The following MYT1L variants were observed in gnomAD, a reference collection of about 807,000 sequenced individuals.
MYT1L encodes the protein myelin transcription factor 1-like protein.
A neutral mutation model predicts 126.7 loss-of-function variants in MYT1L; 12 were observed. That is an observed-to-expected ratio of 0.09 (90% CI 0.06 to 0.15). The LOEUF (loss-of-function observed/expected upper bound fraction) is 0.15, where lower values mean the gene tolerates loss of function less well. Ranked by LOEUF, MYT1L falls within the 10% of genes least tolerant of loss-of-function variation. The pLI is 1.00. For synonymous variants in MYT1L, 541 were observed against 604.2 expected, an observed-to-expected ratio of 0.90 and a Z score of 1.53; for missense variants, 979 against 1,585.2, an observed-to-expected ratio of 0.62 and a Z score of 6.49.
rs1290855309 is a variant in MYT1L, at chr2:2,004,879, A to C, written c.-157-7532T>G. ...TCCTGCATGCGTTCTTTCCTGTAGG[A>C]GTTCTTTCCTGCATGTGTTCTTTCC... On this transcript the variant is annotated intron_variant, in intron 4 of 24. Transcript: ENST00000647738. Among the ~76,000 whole-genome samples, 408 of 64,440 alleles carry C rather than the reference A, an allele frequency of 6.3e-3. 1 individual carries two copies. Among genetic ancestry groups the C allele is most frequent in the Middle Eastern group, 0.016 (1 of 64 alleles). The allele number at this position is 64,440 out of a possible 152,430, so 42.3% of individuals were successfully genotyped here. A position where few individuals can be genotyped will look rare whatever the true frequency, so the allele number is the denominator to read the frequency against.
intron 9 of MYT1L, among the ~76,000 whole-genome samples, chr2:1,936,340 G>C (rs1384247349): frequency 6.6e-6 from 1 of 152,246 alleles, no homozygotes; most frequent in Non-Finnish European, 1.5e-5. Context: ...ATTTAGCACA[G>C]TTTGCATGAA....
At chr2:1,844,763 C>T (rs1208848813) in intron 19 of MYT1L, among the ~76,000 whole-genome samples, 1 of 152,174 alleles carries the variant, frequency 6.6e-6, no homozygotes, top group African/African-American at 2.4e-5. Context: ...CTTGTGATCC[C>T]TTCTTTAGGG....
intron 2 of MYT1L, among the ~76,000 whole-genome samples, chr2:2,276,790 A>G (rs1005277612): frequency 4.6e-5 from 7 of 151,736 alleles, no homozygotes; most frequent in African/African-American, 1.7e-4. Context: ...ACTCCTCCTC[A>G]TGATTCTCTC....
chr2:1,893,017 C>T (rs1354985224), intron 14 of MYT1L, among the ~76,000 whole-genome samples: 2 of 152,152 alleles, frequency 1.3e-5, no homozygotes, highest in Non-Finnish European at 2.9e-5. Flanking sequence ...TTGGTGGTGG[C>T]AGACACGCGG....
At chr2:2,181,509 T>C (rs1382253309) in intron 2 of MYT1L, among the ~76,000 whole-genome samples, 3 of 152,182 alleles carry the variant, frequency 2.0e-5, no homozygotes, top group East Asian at 3.9e-4. Context: ...TGTCAGAGGC[T>C]GTGGATGCAG....
chr2:2,326,840 CT>C (rs1486837805), intron 1 of MYT1L: 7 of 152,118 alleles, frequency 4.6e-5, no homozygotes, highest in African/African-American at 1.7e-4. Flanking sequence ...AGAAAAATCA[CT>C]GTGTATGCTT....
At chr2:2,146,718 G>A (rs1010642174) in intron 3 of MYT1L, among the ~76,000 whole-genome samples, 1 of 152,158 alleles carries the variant, frequency 6.6e-6, no homozygotes, top group African/African-American at 2.4e-5. Context: ...TTGTTTCCAT[G>A]CTTACTCCTA....
chr2:1,873,663 C>T (rs2046523600), intron 18 of MYT1L, among the ~76,000 whole-genome samples: 1 of 152,218 alleles, frequency 6.6e-6, no homozygotes, highest in African/African-American at 2.4e-5. Context: ...AAGCCCCAAT[C>T]CCAGACTCAG....
intron 19 of MYT1L, chr2:1,842,876 T>C (rs999363238): frequency 1.5e-5 from 2 of 135,454 alleles, no homozygotes; most frequent in Admixed American, 8.3e-5. Flanking sequence ...AGCTTCCGCT[T>C]CCAGGCGCTT....
At chr2:2,082,103 T>C (rs949664523) in intron 3 of MYT1L, among the ~76,000 whole-genome samples, 2 of 152,102 alleles carry the variant, frequency 1.3e-5, no homozygotes, top group African/African-American at 4.8e-5. Flanking sequence ...AATGATAGCA[T>C]CCATCAGTAG....
intron 3 of MYT1L, among the ~76,000 whole-genome samples, chr2:2,150,992 G>A (rs2148304489): frequency 6.6e-6 from 1 of 152,198 alleles, no homozygotes; most frequent in Non-Finnish European, 1.5e-5. Context: ...CTGGCTCTGA[G>A]GAAAACTGTC....
intron 21 of MYT1L, chr2:1,816,319 T>C (rs559729241): frequency 7.9e-5 from 12 of 152,770 alleles, no homozygotes; most frequent in Admixed American, 7.8e-4. Flanking sequence ...CAGAAGCACT[T>C]GGGGAAACCG....
At chr2:2,005,211 A>C (rs1432854750) in intron 4 of MYT1L, among the ~76,000 whole-genome samples, 37 of 97,614 alleles carry the variant, frequency 3.8e-4, no homozygotes, top group African/African-American at 4.6e-4. Context: ...TTCTTTCCTG[A>C]ATATGTTCTT....
chr2:1,851,775 AT>A, intron 18 of MYT1L, 72 bp from the exon 19 acceptor site: 1 of 1,442,864 alleles, frequency 6.9e-7, no homozygotes. Context: ...CTTTTTTTTA[AT>A]CCAAAAAGCA....
At chr2:2,205,984 C>CTTTTCTTTTCTTTTCT (rs151297190) in intron 2 of MYT1L, among the ~76,000 whole-genome samples, 1 of 145,778 alleles carries the variant, frequency 6.9e-6, no homozygotes, top group African/African-American at 2.5e-5. Context: ...CTTTTCTTTT[C>CTTTTCTTTTCTTTTCT]TTTCTTTTTT....
chr2:2,010,277 CT>C (rs1388373738), intron 4 of MYT1L, among the ~76,000 whole-genome samples: 1 of 152,154 alleles, frequency 6.6e-6, no homozygotes, highest in African/African-American at 2.4e-5. Context: ...CTAAATGACC[CT>C]TCAGGTCTGG....
chr2:2,007,064 T>C (rs2063404596), intron 4 of MYT1L, among the ~76,000 whole-genome samples: 1 of 151,058 alleles, frequency 6.6e-6, no homozygotes, highest in Non-Finnish European at 1.5e-5. Flanking sequence ...TATATATATA[T>C]CCCCCACATT....
intron 2 of MYT1L, among the ~76,000 whole-genome samples, chr2:2,283,779 A>G (rs1399749050): frequency 6.6e-6 from 1 of 152,312 alleles, no homozygotes; most frequent in South Asian, 2.1e-4. Context: ...ATTCCCAAGG[A>G]TGTGCGTCTA....
chr2:2,043,676 T>C (rs1023976334), intron 4 of MYT1L, among the ~76,000 whole-genome samples: 2 of 152,070 alleles, frequency 1.3e-5, no homozygotes, highest in African/African-American at 4.8e-5. Flanking sequence ...CCCCCTTCCT[T>C]GCCCTGAGCT....
Sources: allele counts gnomAD v4.1 joint callset (sites outside exome capture counted in the v4.1 genomes callset), GRCh38; gene constraint gnomAD v4.1.1; transcripts MANE v1.5; gene names NCBI Gene and HGNC (gene_info 2026-07-23, HGNC 2026-07-21).